TOX4: variants seen among roughly 807,000 people sequenced by gnomAD.
TOX4 encodes the protein TOX high mobility group box family member 4.
In TOX4, 12 loss-of-function variants were observed where a neutral mutation model predicts 61.0. That is an observed-to-expected ratio of 0.20 (90% CI 0.13 to 0.32). The LOEUF is 0.32. Ranked by LOEUF, TOX4 falls within the 10% of genes least tolerant of loss-of-function variation. The probability of loss-of-function intolerance (pLI) is 1.00; values close to 1 mark genes in which losing one functional copy is unlikely to be tolerated. For synonymous variants in TOX4, 268 were observed against 274.8 expected, an observed-to-expected ratio of 0.98 and a Z score of 0.24; for missense variants, 499 against 753.3, an observed-to-expected ratio of 0.66 and a Z score of 3.95.
chr14:21,477,536 C>G lies in TOX4; in HGVS notation c.47C>G (p.Pro16Arg), dbSNP rs754894392. 2.5e-6 allele frequency: 4 copies of G among 1,613,786 alleles called. No individual in the cohort carries two copies. In the South Asian group the frequency reaches 3.3e-5, roughly 13 times the overall value. Residue 16 changes from proline (P) to arginine (R), a missense_variant, in exon 2 of 9, where the codon CCT (proline) becomes CGT (arginine). Coordinates refer to ENST00000448790, the MANE Select transcript of TOX4 (RefSeq NM_014828.4). ...GNDNYLTITG[P>R]SHPFLSGAET... Reference sequence around the variant, plus strand: ...GACAATTACCTGACGATCACAGGGCCTTCGCACCCCTTCCTGTCAGGGGCC... The same window carrying G: ...GACAATTACCTGACGATCACAGGGCGTTCGCACCCCTTCCTGTCAGGGGCC...
chr14:21,480,814 G>C (rs1200623580), intron 2 of TOX4, among the ~76,000 whole-genome samples: 1 of 152,212 alleles, frequency 6.6e-6, no homozygotes, highest in African/African-American at 2.4e-5. Flanking sequence ...GCAAAGGCCA[G>C]GCGTGGTGGC....
chr14:21,493,797 C>T (rs948307084), intron 7 of TOX4, among the ~76,000 whole-genome samples: 2 of 151,428 alleles, frequency 1.3e-5, no homozygotes, highest in African/African-American at 4.9e-5. Context: ...GTTGCCTGGG[C>T]TGGAGTGCAG....
chr14:21,478,010 C>G (rs1891033633), intron 2 of TOX4, among the ~76,000 whole-genome samples: 1 of 152,194 alleles, frequency 6.6e-6, no homozygotes, highest in South Asian at 2.1e-4. Context: ...GATCTCGGCT[C>G]ACTGCAACCT....
At chr14:21,478,702 T>A (rs549710780) in intron 2 of TOX4, among the ~76,000 whole-genome samples, 4 of 152,372 alleles carry the variant, frequency 2.6e-5, no homozygotes, top group Admixed American at 6.5e-5. Flanking sequence ...CAGTTTTTTT[T>A]ACCAAGAATT....
intron 5 of TOX4, among the ~76,000 whole-genome samples, chr14:21,489,791 C>T (rs1311331620): frequency 2.0e-5 from 3 of 151,992 alleles, no homozygotes; most frequent in African/African-American, 7.2e-5. Context: ...CCATGTCAGC[C>T]AGGATGGTCT....
intron 2 of TOX4, among the ~76,000 whole-genome samples, chr14:21,481,147 C>T (rs777607876): frequency 2.6e-4 from 39 of 152,136 alleles, no homozygotes; most frequent in Non-Finnish European, 4.9e-4. Context: ...CAAAAGAAGA[C>T]GTCCAAATTG....
At chr14:21,480,708 C>G (rs547052235) in intron 2 of TOX4, among the ~76,000 whole-genome samples, 1 of 152,212 alleles carries the variant, frequency 6.6e-6, no homozygotes, top group African/African-American at 2.4e-5. Flanking sequence ...ATTCCACAGA[C>G]TGGGAGAAGA....
At position 21,492,781 on chromosome 14, in the gene TOX4, G is replaced by T. The variant is rs760288249; in HGVS notation, c.1165G>T (p.Val389Phe). 14 of 1,613,980 alleles carry T rather than the reference G, an allele frequency of 8.7e-6. No individual in the cohort carries two copies. The highest frequency in any genetic ancestry group is 1.2e-5 in the Non-Finnish European group (14 of 1,180,046). Residue 389 changes from valine to phenylalanine, a missense_variant, in exon 7 of 9, where the codon GTT (valine) becomes TTT (phenylalanine). Transcript: ENST00000448790. Reference sequence around the variant, plus strand: ...TATGTCTCAAGGAGGGATGGTTACTGTTATCCCAGCCACAGTGGTGACCTC... The same window carrying T: ...TATGTCTCAAGGAGGGATGGTTACTTTTATCCCAGCCACAGTGGTGACCTC... Reference protein sequence around the residue: ...ITMSQGGMVTVIPATVVTSRG... With the variant: ...ITMSQGGMVTFIPATVVTSRG...
intron 2 of TOX4, 62 bp downstream of exon 2, chr14:21,477,626 G>C (rs1359353099): frequency 1.3e-6 from 2 of 1,576,386 alleles, no homozygotes; most frequent in Non-Finnish European, 1.7e-6. Flanking sequence ...GTAGGGTAGT[G>C]GGGAGGAGAG....
rs1891452576 is a variant in TOX4 at position 21,498,135 on chromosome 14, GA to G, written c.*1531del. 1 of 650,926 alleles carries G rather than the reference GA, an allele frequency of 1.5e-6. No individual in the cohort carries two copies. Among genetic ancestry groups the G allele is most frequent in the Non-Finnish European group, 2.7e-6 (1 of 374,752 alleles). The allele number at this position is 650,926 out of a possible 1,614,324, so 40.3% of individuals were successfully genotyped here. A position where few individuals can be genotyped will look rare whatever the true frequency, so the allele number is the denominator to read the frequency against. ...AGTAGCAGAGCCAGAATGGACTTCAGAATCCCAACTACAATACAAATGTTTA... is the reference window on the plus strand; with the variant it reads ...AGTAGCAGAGCCAGAATGGACTTCAGATCCCAACTACAATACAAATGTTTA... On this transcript the variant is annotated 3_prime_UTR_variant, in exon 9 of 9. Coordinates refer to ENST00000448790, the MANE Select transcript of TOX4 (RefSeq NM_014828.4).
intron 2 of TOX4, among the ~76,000 whole-genome samples, chr14:21,478,117 A>T (rs1891036634): frequency 6.6e-6 from 1 of 152,114 alleles, no homozygotes; most frequent in South Asian, 2.1e-4. Flanking sequence ...TTGTATATTT[A>T]GTAGAGATGG....
At chr14:21,491,992 G>A (rs928259057) in intron 5 of TOX4, 1 of 194,804 alleles carries the variant, frequency 5.1e-6, no homozygotes, top group African/African-American at 2.4e-5. Context: ...GCCTGGGCGA[G>A]AGAGCACGAC....
In TOX4 at chr14:21,496,680, G is replaced by C. The variant is rs1456268392; in HGVS notation, c.*74G>C. On this transcript the variant is annotated 3_prime_UTR_variant, in exon 9 of 9. Coordinates refer to ENST00000448790, the MANE Select transcript of TOX4 (RefSeq NM_014828.4). ...CCAAGAGCCTGTTTTTGAAACACAA[G>C]CTGGGCTTCTGGTAGTGCCTCATCA... is the stretch of plus-strand genomic sequence containing the variant. 7.2e-7 allele frequency: 1 copy of C among 1,389,072 alleles called. No homozygotes were observed. Among genetic ancestry groups the C allele is most frequent in the South Asian group, 1.2e-5 (1 of 85,152 alleles). 86.0% of individuals were successfully genotyped at this position (1,389,072 alleles called of 1,614,324 possible). A position where few individuals can be genotyped will look rare whatever the true frequency, so the allele number is the denominator to read the frequency against.
In TOX4 at chr14:21,498,157, G is replaced by A. The variant is rs371381622; in HGVS notation, c.*1551G>A. On this transcript the variant is annotated 3_prime_UTR_variant, in exon 9 of 9. Coordinates refer to ENST00000448790, the MANE Select transcript of TOX4 (RefSeq NM_014828.4). The stretch of plus-strand genomic sequence containing the variant: ...TCAGAATCCCAACTACAATACAAAT[G>A]TTTATTTAAATAAAGAAGAAAGCTA... The A allele has an allele frequency of 4.1e-6, 3 of 731,122 alleles. No individual in the cohort carries two copies. The highest frequency in any genetic ancestry group is 2.3e-6 in the Non-Finnish European group (1 of 428,184). 45.3% of individuals were successfully genotyped at this position (731,122 alleles called of 1,614,324 possible). A position where few individuals can be genotyped will look rare whatever the true frequency, so the allele number is the denominator to read the frequency against.
Position 21,489,419 on chromosome 14 carries a change from G to A in TOX4, c.810+16G>A, listed in dbSNP as rs1566483028. 3 of 1,594,288 alleles carry A rather than the reference G, an allele frequency of 1.9e-6. No homozygotes were observed. Among genetic ancestry groups the A allele is most frequent in the Non-Finnish European group, 2.6e-6 (3 of 1,171,230 alleles). Reference sequence around the variant, plus strand: ...GCAAAAACAGGTGAGCAAATATTGAGGAACTAGTAGTGAATGTTCCAGAAG... The same window carrying A: ...GCAAAAACAGGTGAGCAAATATTGAAGAACTAGTAGTGAATGTTCCAGAAG... On this transcript the variant is annotated intron_variant, in intron 5 of 8. Transcript: ENST00000448790.
Position 21,496,693 on chromosome 14 carries a change from T to TTGTGATGAGGCACTACC in TOX4, c.*87_*88insTGTGATGAGGCACTACC. 2 of 1,188,340 alleles carry TTGTGATGAGGCACTACC rather than the reference T, an allele frequency of 1.7e-6. No homozygotes were observed. The highest frequency in any genetic ancestry group is 2.5e-6 in the Non-Finnish European group (2 of 805,848). The allele number at this position is 1,188,340 out of a possible 1,614,324, so 73.6% of individuals were successfully genotyped here. A position where few individuals can be genotyped will look rare whatever the true frequency, so the allele number is the denominator to read the frequency against. On this transcript the variant is annotated 3_prime_UTR_variant, in exon 9 of 9. Transcript: ENST00000448790. ...TTTGAAACACAAGCTGGGCTTCTGG[T>TTGTGATGAGGCACTACC]AGTGCCTCATCACAACCCATGATGG...
Position 21,498,627 on chromosome 14 carries a change from C to G in TOX4, c.*2021C>G, listed in dbSNP as rs1170364046. The G allele has an allele frequency of 3.8e-6, 2 of 529,982 alleles. No homozygotes were observed. Among genetic ancestry groups the G allele is most frequent in the South Asian group, 2.6e-5 (1 of 39,050 alleles). 32.8% of individuals were successfully genotyped at this position (529,982 alleles called of 1,614,324 possible). A position where few individuals can be genotyped will look rare whatever the true frequency, so the allele number is the denominator to read the frequency against. On this transcript the variant is annotated 3_prime_UTR_variant, in exon 9 of 9. Coordinates refer to ENST00000448790, the MANE Select transcript of TOX4 (RefSeq NM_014828.4). ...TAGCCAGGCCTGCTTCACAGAGTTG[C>G]TACCAGGGAGTATTCTTTGGATAAG...
intron 1 of TOX4, 99 bp downstream of exon 1, chr14:21,477,383 A>G: frequency 6.2e-7 from 1 of 1,612,220 alleles, no homozygotes. Flanking sequence ...ACGGGAGAGG[A>G]GAGAGAGCGG....
chr14:21,499,163 T>C lies in TOX4; in HGVS notation c.*2557T>C. ...CTAGGAAATAAAAACTAGCTGCTTTTTAAGTTACACAAGATTGCAATTCTA... is the reference window on the plus strand; with the variant it reads ...CTAGGAAATAAAAACTAGCTGCTTTCTAAGTTACACAAGATTGCAATTCTA... On this transcript the variant is annotated 3_prime_UTR_variant, in exon 9 of 9. Coordinates refer to ENST00000448790, the MANE Select transcript of TOX4 (RefSeq NM_014828.4). 3 of 1,599,878 alleles carry C rather than the reference T, an allele frequency of 1.9e-6. No individual in the cohort carries two copies. The highest frequency in any genetic ancestry group is 2.6e-6 in the Non-Finnish European group (3 of 1,167,060).
Sources: allele counts gnomAD v4.1 joint callset (sites outside exome capture counted in the v4.1 genomes callset), GRCh38; gene constraint gnomAD v4.1.1; transcripts MANE v1.5; gene names NCBI Gene and HGNC (gene_info 2026-07-23, HGNC 2026-07-21).